The following CREBBP variants were observed in gnomAD, a reference collection of about 807,000 sequenced individuals.
CREBBP encodes CREB-binding protein.
Under a neutral mutation model 265.0 loss-of-function variants are expected in CREBBP, and 19 were observed. The ratio of observed to expected loss-of-function variants is 0.07; its 90% confidence interval spans 0.05 to 0.11. CREBBP has a LOEUF of 0.11. Ranked by LOEUF, CREBBP falls within the 10% of genes least tolerant of loss-of-function variation. The probability of loss-of-function intolerance (pLI) is 1.00; values close to 1 mark genes in which losing one functional copy is unlikely to be tolerated. For synonymous variants in CREBBP, 1,457 were observed against 1,223.7 expected (o/e 1.19, Z -3.98); for missense variants, 2,525 against 3,219.0 (o/e 0.78, Z 5.22).
chr16:3,879,310 C>G (rs1597098417), intron 1 of CREBBP, among the ~76,000 whole-genome samples: 1 of 152,100 alleles, frequency 6.6e-6, no homozygotes, highest in East Asian at 1.9e-4. Flanking sequence ...CCAAGGAACT[C>G]ACTCATTCCA....
At chr16:3,854,083 A>G (rs1011407289) in intron 1 of CREBBP, among the ~76,000 whole-genome samples, 3 of 152,146 alleles carry the variant, frequency 2.0e-5, no homozygotes, top group Admixed American at 6.5e-5. Context: ...CAACACCCAC[A>G]TGATCTGAAG....
At position 3,736,024 on chromosome 16, in the gene CREBBP, A is replaced by G. The variant is rs1244451333; in HGVS notation, c.4728+12T>C. The G allele has an allele frequency of 1.9e-6, 3 of 1,614,148 alleles. No homozygotes were observed. The highest frequency in any genetic ancestry group is 1.7e-5 in the Admixed American group (1 of 60,030). On this transcript the variant is annotated intron_variant, in intron 28 of 30. Transcript: ENST00000262367. ...GACACGTGGGCAATGGAGCTCAGAG[A>G]AGGGTCTGTACCTCAGTGGTTTCAC...
intron 2 of CREBBP, among the ~76,000 whole-genome samples, chr16:3,815,332 C>A (rs1567334955): frequency 6.6e-6 from 1 of 151,924 alleles, no homozygotes; most frequent in Non-Finnish European, 1.5e-5. Flanking sequence ...TTAAGGTCAG[C>A]AGTTCGAGAC....
chr16:3,791,493 C>T (rs1174878335), intron 5 of CREBBP, among the ~76,000 whole-genome samples: 1 of 152,174 alleles, frequency 6.6e-6, no homozygotes, highest in Non-Finnish European at 1.5e-5. Flanking sequence ...TCATAAATGT[C>T]TGTGTGGGAT....
rs1407773191 is a variant in CREBBP at position 3,757,934 on chromosome 16, T to C, written c.3484A>G (p.Asn1162Asp). The C allele has an allele frequency of 1.9e-6, 3 of 1,613,962 alleles. No homozygotes were observed. Among genetic ancestry groups the C allele is most frequent in the Admixed American group, 3.3e-5 (2 of 59,968 alleles). Residue 1162 changes from asparagine (N) to aspartate (D), a missense_variant, in exon 18 of 31, where the codon AAC becomes GAC. Coordinates refer to ENST00000262367, the MANE Select transcript of CREBBP (RefSeq NM_004380.3). ...TTGCGATTATAGAGCCAGGCATTGT[T>C]GAACATGAGCCAGACGTCGTCCACG... ...QYVDDVWLMF[N>D]NAWLYNRKTS...
chr16:3,786,128 C>T lies in CREBBP; in HGVS notation c.1331-3202G>A, dbSNP rs957338631. 3.3e-5 allele frequency among the ~76,000 whole-genome samples: 5 copies of T among 152,076 alleles called. 1 individual carries two copies. The East Asian group carries it at 9.6e-4, about 29-fold the overall frequency. On this transcript the variant is annotated intron_variant, in intron 5 of 30. Transcript: ENST00000262367. Reference sequence around the variant, plus strand: ...CTGTAATCCCAGCACTTTGGGAGGCCGAGGCAGGTGGATCACTTGAGGTCA... The same window carrying T: ...CTGTAATCCCAGCACTTTGGGAGGCTGAGGCAGGTGGATCACTTGAGGTCA...
intron 1 of CREBBP, among the ~76,000 whole-genome samples, chr16:3,866,096 A>G (rs138716892): frequency 1.2e-4 from 18 of 152,240 alleles, no homozygotes; most frequent in Non-Finnish European, 1.8e-4. Flanking sequence ...GTTCACTATT[A>G]GTTCAAAATA....
At position 3,802,591 on chromosome 16, in the gene CREBBP, C is replaced by T. The variant is rs1044812548; in HGVS notation, c.975+8012G>A. On this transcript the variant is annotated intron_variant, in intron 3 of 30. Coordinates refer to ENST00000262367, the MANE Select transcript of CREBBP (RefSeq NM_004380.3). ...TGTGCATACAGAATGTGGATAATAA[C>T]GCTTATCCTCACATTCCTCACAAAA... 3.3e-5 allele frequency among the ~76,000 whole-genome samples: 5 copies of T among 152,050 alleles called. No individual in the cohort carries two copies. The South Asian group carries it at 8.3e-4, about 25-fold the overall frequency.
At chr16:3,853,479 A>T (rs968056112) in intron 1 of CREBBP, among the ~76,000 whole-genome samples, 4 of 152,048 alleles carry the variant, frequency 2.6e-5, no homozygotes, top group African/African-American at 9.7e-5. Flanking sequence ...GTGTGGTGGC[A>T]GGCACCTGTA....
chr16:3,847,247 T>C (rs549871299), intron 2 of CREBBP, among the ~76,000 whole-genome samples: 1 of 152,360 alleles, frequency 6.6e-6, no homozygotes, highest in East Asian at 1.9e-4. Context: ...TTTTAAATCT[T>C]TATCTGTAAG....
chr16:3,770,900 C>G lies in CREBBP; in HGVS notation c.2550G>C (p.Gln850His), dbSNP rs562943588. The G allele has an allele frequency of 6.2e-7, 1 of 1,613,808 alleles. No individual in the cohort carries two copies. Among genetic ancestry groups the G allele is most frequent in the Non-Finnish European group, 8.5e-7 (1 of 1,180,020 alleles). The change falls in exon 14 of 31, where the codon CAG becomes CAC. Residue 850 changes from glutamine (Q) to histidine (H), a missense_variant. Gln to His is a conservative substitution (Grantham distance 24). Transcript: ENST00000262367. ...GAGGCGGTGTTGGGTGCAGTGGTGA[C>G]TGTGTCACTGGAGGGCAAGGTAGCT... is the stretch of plus-strand genomic sequence containing the variant. ...ASQLPCPPVT[Q>H]SPLHPTPPPA...
Position 3,781,275 on chromosome 16 carries a change from T to C in CREBBP, c.1605A>G (p.Gly535=). 6.2e-7 allele frequency: 1 copy of C among 1,613,974 alleles called. No individual in the cohort carries two copies. Among genetic ancestry groups the C allele is most frequent in the South Asian group, 1.1e-5 (1 of 91,092 alleles). The part of the protein sequence containing the change: ...GNNPMNIPAG[G]ITTDQQPPNL... ...TTGGGGGCTGCTGATCTGTTGTTAT[T>C]CCTCCTGCTGGAATGTTCATTGGAT... is the stretch of plus-strand genomic sequence containing the variant. The change falls in exon 7 of 31, where the codon GGA becomes GGG. Residue 535 remains glycine (G), a synonymous_variant. Coordinates refer to ENST00000262367, the MANE Select transcript of CREBBP (RefSeq NM_004380.3).
At position 3,773,801 on chromosome 16, in the gene CREBBP, C is replaced by T. The variant is rs370128808; in HGVS notation, c.2413G>A (p.Ala805Thr). 50 of 1,613,454 alleles carry T rather than the reference C, an allele frequency of 3.1e-5. No homozygotes were observed. The highest frequency in any genetic ancestry group is 1.8e-4 in the Middle Eastern group (1 of 5,570). The change falls in exon 13 of 31, where the codon GCG becomes ACG. Residue 805 changes from alanine to threonine, a missense_variant. Ala to Thr is a moderately conservative substitution (Grantham distance 58). Around this residue, in one of 19 missense-constraint regions of CREBBP, gnomAD observed 548 missense variants for 533.0 expected, o/e 1.03. Coordinates refer to ENST00000262367, the MANE Select transcript of CREBBP (RefSeq NM_004380.3). ...PQNQFPSSSG[A>T]MSVGMGQPPA... ...GGCTGCCCCATGCCCACACTCATCG[C>T]CCCGCTGGATGACGGGAACTGGTTC...
At chr16:3,855,433 G>A (rs944958851) in intron 1 of CREBBP, among the ~76,000 whole-genome samples, 12 of 152,172 alleles carry the variant, frequency 7.9e-5, no homozygotes, top group African/African-American at 2.4e-4. Flanking sequence ...CCCGGCTAAC[G>A]TTTGTATTTT....
At chr16:3,789,176 C>G (rs1407508562) in intron 5 of CREBBP, among the ~76,000 whole-genome samples, 2 of 152,176 alleles carry the variant, frequency 1.3e-5, no homozygotes, top group South Asian at 4.1e-4. Flanking sequence ...GCCTAAAAAG[C>G]AGAGTCCCGG....
intron 2 of CREBBP, among the ~76,000 whole-genome samples, chr16:3,847,787 T>C (rs1215968031): frequency 2.0e-5 from 3 of 152,168 alleles, no homozygotes; most frequent in South Asian, 2.1e-4. Flanking sequence ...CTTCAGTAAA[T>C]TGTAAGGATC....
chr16:3,755,376 G>C (rs1025076568), intron 19 of CREBBP, among the ~76,000 whole-genome samples: 16 of 152,186 alleles, frequency 1.1e-4, no homozygotes, highest in African/African-American at 3.1e-4. Context: ...CTTCCTTCTA[G>C]ACCAAAACTG....
In CREBBP at chr16:3,830,807, G is replaced by C. The variant is rs78221558; in HGVS notation, c.798+19490C>G. On this transcript the variant is annotated intron_variant, in intron 2 of 30. Coordinates refer to ENST00000262367, the MANE Select transcript of CREBBP (RefSeq NM_004380.3). The stretch of plus-strand genomic sequence containing the variant: ...ATACACATTCTATTTTTATGAGACA[G>C]AGTCTTGCTCCGTACCCAGGCTGAA... Among the ~76,000 whole-genome samples, 10 of 152,234 alleles carry C rather than the reference G, an allele frequency of 6.6e-5. No individual in the cohort carries two copies. In the East Asian group the frequency reaches 1.7e-3, roughly 26 times the overall value.
At chr16:3,827,121 C>T (rs988938704) in intron 2 of CREBBP, among the ~76,000 whole-genome samples, 2 of 151,422 alleles carry the variant, frequency 1.3e-5, no homozygotes, top group African/African-American at 2.4e-5. Flanking sequence ...AGCCTGTGAA[C>T]GGCCACTGCT....
Sources: gnomAD v4.1 joint callset for allele counts (sites outside exome capture counted in the v4.1 genomes callset) on GRCh38, gnomAD v4.1.1 for gene constraint, gnomAD v4.1.1 regional missense constraint, MANE v1.5 for transcripts, NCBI Gene and HGNC (gene_info 2026-07-23, HGNC 2026-07-21) for gene names.